KMT2C: variants seen among roughly 807,000 people sequenced by gnomAD.
KMT2C encodes the protein histone-lysine N-methyltransferase 2C.
Under a neutral mutation model 507.9 loss-of-function variants are expected in KMT2C, and 88 were observed. The ratio of observed to expected loss-of-function variants is 0.17; its 90% CI spans 0.15 to 0.21. KMT2C has a LOEUF of 0.21. Among genes scored for constraint, KMT2C ranks in the 10% least tolerant of loss-of-function variants. The pLI, the probability that KMT2C is intolerant of heterozygous loss-of-function variation, is 1.00. For missense variants in KMT2C, 4,954 were observed against 5,957.8 expected, an observed-to-expected ratio of 0.83 and a Z score of 5.55; for synonymous variants, 2,049 against 2,080.8, an observed-to-expected ratio of 0.98 and a Z score of 0.42.
chr7:152,262,264 C>A (rs565068013), intron 9 of KMT2C, among the ~76,000 whole-genome samples: 3 of 152,170 alleles, frequency 2.0e-5, no homozygotes, highest in African/African-American at 4.8e-5. Flanking sequence ...CTTCCACTCC[C>A]GCACACGGGC....
At chr7:152,252,848 T>C (rs2095582483) in intron 9 of KMT2C, 133 bp from the exon 10 acceptor site, 4 of 660,340 alleles carry the variant, frequency 6.1e-6, no homozygotes, top group Non-Finnish European at 9.9e-6. Flanking sequence ...GACACTAATT[T>C]AGGGTACATG....
At chr7:152,290,277 TATATATATATATATATA>T (rs1214956736) in intron 6 of KMT2C, among the ~76,000 whole-genome samples, 12 of 33,832 alleles carry the variant, frequency 3.5e-4, no homozygotes, top group African/African-American at 1.0e-3. Context: ...TATATATATA[TATATATATATATATATA>T]TTTTTTTTTT....
intron 3 of KMT2C, among the ~76,000 whole-genome samples, chr7:152,327,098 G>A (rs2096835853): frequency 6.6e-6 from 1 of 152,058 alleles, no homozygotes; most frequent in Admixed American, 6.5e-5. Flanking sequence ...GTATAGCCCA[G>A]GATAAATAAA....
Position 152,194,577 on chromosome 7 carries a change from G to A in KMT2C, c.4379-9C>T, listed in dbSNP as rs2129129790. 1 of 1,609,216 alleles carries A rather than the reference G, an allele frequency of 6.2e-7. No individual in the cohort carries two copies. Among genetic ancestry groups the A allele is most frequent in the Non-Finnish European group, 8.5e-7 (1 of 1,176,244 alleles). On this transcript the variant is annotated splice_polypyrimidine_tract_variant and intron_variant, in intron 28 of 58. Coordinates refer to ENST00000262189, the MANE Select transcript of KMT2C (RefSeq NM_170606.3). ...AGTGACAGGACCAATATCTACAAGA[G>A]TAAGGAAAATAAATTTAAAGGTACA...
chr7:152,434,126 C>T (rs547464998), intron 1 of KMT2C, among the ~76,000 whole-genome samples: 1 of 152,364 alleles, frequency 6.6e-6, no homozygotes, highest in South Asian at 2.1e-4. Context: ...ACTTAAACCT[C>T]CACTTCCTTC....
chr7:152,415,700 G>A (rs796368061), intron 1 of KMT2C, among the ~76,000 whole-genome samples: 2 of 152,136 alleles, frequency 1.3e-5, no homozygotes, highest in Non-Finnish European at 2.9e-5. Flanking sequence ...CCAACATAGT[G>A]AAAACCCATT....
chr7:152,143,020 G>A (rs2090745787), intron 55 of KMT2C, among the ~76,000 whole-genome samples: 1 of 152,156 alleles, frequency 6.6e-6, no homozygotes. Flanking sequence ...CAGGTTAAAG[G>A]TGACAGGTTG....
At chr7:152,356,646 T>G (rs542141149) in intron 2 of KMT2C, among the ~76,000 whole-genome samples, 33 of 151,462 alleles carry the variant, frequency 2.2e-4, no homozygotes, top group African/African-American at 7.5e-4. Flanking sequence ...ATCTCAGCAC[T>G]TTGGGAGGGC....
intron 34 of KMT2C, among the ~76,000 whole-genome samples, chr7:152,183,689 G>A (rs1358281085): frequency 1.3e-5 from 2 of 152,130 alleles, no homozygotes; most frequent in South Asian, 2.1e-4. Context: ...CTGAGGTCGG[G>A]AGTTCGACAC....
intron 1 of KMT2C, among the ~76,000 whole-genome samples, chr7:152,384,727 T>C (rs961615398): frequency 6.8e-6 from 1 of 147,016 alleles, no homozygotes; most frequent in Admixed American, 6.7e-5. Flanking sequence ...TTTTAAAAAT[T>C]TATTAATCAC....
At chr7:152,183,232 C>A in intron 34 of KMT2C, 76 bp from the exon 35 acceptor site, 1 of 1,194,416 alleles carries the variant, frequency 8.4e-7, no homozygotes, top group Non-Finnish European at 1.2e-6. Flanking sequence ...CTATCATGAA[C>A]TTTCTCAAAT....
chr7:152,332,583 C>T (rs1432448924), intron 2 of KMT2C, among the ~76,000 whole-genome samples: 1 of 152,104 alleles, frequency 6.6e-6, no homozygotes, highest in Non-Finnish European at 1.5e-5. Context: ...TGGTGATGCA[C>T]ACCTGTAATC....
chr7:152,243,938 A>G (rs1448495574), intron 14 of KMT2C, among the ~76,000 whole-genome samples: 1 of 152,232 alleles, frequency 6.6e-6, no homozygotes, highest in African/African-American at 2.4e-5. Flanking sequence ...ATTACATTCA[A>G]TATCTTTCTA....
chr7:152,188,045 T>G (rs112702795), intron 31 of KMT2C, among the ~76,000 whole-genome samples, 198 bp from the exon 32 acceptor site: 1 of 152,272 alleles, frequency 6.6e-6, no homozygotes, highest in South Asian at 2.1e-4. Context: ...CCAAGCTCCA[T>G]AGGGCCAACA....
chr7:152,368,156 G>T, intron 1 of KMT2C: 1 of 920,074 alleles, frequency 1.1e-6, no homozygotes, highest in South Asian at 1.3e-5. Flanking sequence ...CAGTATCCTT[G>T]GGGTGCTGCT....
intron 6 of KMT2C, among the ~76,000 whole-genome samples, chr7:152,305,851 G>A (rs1328269870): frequency 1.3e-5 from 2 of 152,080 alleles, no homozygotes; most frequent in African/African-American, 4.8e-5. Flanking sequence ...GTCCCGTAAG[G>A]AACTACTTCT....
At chr7:152,200,139 A>C (rs2094088184) in intron 26 of KMT2C, among the ~76,000 whole-genome samples, 2 of 152,214 alleles carry the variant, frequency 1.3e-5, no homozygotes, top group Non-Finnish European at 2.9e-5. Flanking sequence ...TTTAGTCTAT[A>C]TCCTATGATG....
intron 23 of KMT2C, among the ~76,000 whole-genome samples, chr7:152,211,778 G>A (rs1267487372): frequency 6.6e-6 from 1 of 152,242 alleles, no homozygotes; most frequent in Non-Finnish European, 1.5e-5. Flanking sequence ...GCCAGGCACG[G>A]TGGCTCATGC....
intron 24 of KMT2C, among the ~76,000 whole-genome samples, chr7:152,205,628 T>C (rs1205880500): frequency 6.6e-6 from 1 of 152,150 alleles, no homozygotes; most frequent in Non-Finnish European, 1.5e-5. Context: ...TCCCATAAGA[T>C]TATAATGGAG....
Sources: allele counts gnomAD v4.1 joint callset (sites outside exome capture counted in the v4.1 genomes callset), GRCh38; gene constraint gnomAD v4.1.1; transcripts MANE v1.5; gene names NCBI Gene and HGNC (gene_info 2026-07-23, HGNC 2026-07-21).